RAB28: variants seen among roughly 807,000 people sequenced by gnomAD.
The protein encoded by RAB28 is RAB28, member RAS oncogene family.
A neutral mutation model predicts 31.7 loss-of-function variants in RAB28; 24 were observed. The observed-to-expected ratio is 0.76, with a 90% CI of 0.55 to 1.06. The LOEUF is 1.06. Ranked by LOEUF, RAB28 falls within the 50% of genes least tolerant of loss-of-function variation. The pLI, the probability that RAB28 is intolerant of heterozygous loss-of-function variation, is 0.00. For missense variants in RAB28, 254 were observed against 258.5 expected (o/e 0.98, Z 0.12); for synonymous variants, 100 against 90.4 (o/e 1.11, Z -0.60).
chr4:13,480,112 TTAATA>T (rs892609098), intron 1 of RAB28, among the ~76,000 whole-genome samples: 1 of 151,702 alleles, frequency 6.6e-6, no homozygotes, highest in African/African-American at 2.4e-5. Flanking sequence ...ATTTTTAAGA[TTAATA>T]TAAAGCAGAC....
intron 3 of RAB28, among the ~76,000 whole-genome samples, chr4:13,470,100 C>T (rs1406247880): frequency 6.6e-6 from 1 of 152,052 alleles, no homozygotes; most frequent in Non-Finnish European, 1.5e-5. Context: ...AAACACAGTA[C>T]ACACACTATT....
chr4:13,415,390 G>A (rs1406741461), intron 4 of RAB28, among the ~76,000 whole-genome samples: 1 of 152,180 alleles, frequency 6.6e-6, no homozygotes, highest in Admixed American at 6.5e-5. Flanking sequence ...CTTGCAGGGA[G>A]GTGTGGAGGG....
intron 4 of RAB28, among the ~76,000 whole-genome samples, chr4:13,417,229 C>A (rs1331100959): frequency 2.0e-5 from 3 of 152,142 alleles, no homozygotes; most frequent in African/African-American, 7.2e-5. Context: ...AACAAAGTGG[C>A]CAGGAAGCTC....
At chr4:13,388,410 A>G (rs1369211623) in intron 4 of RAB28, among the ~76,000 whole-genome samples, 2 of 152,076 alleles carry the variant, frequency 1.3e-5, no homozygotes, top group Admixed American at 6.6e-5. Flanking sequence ...CAAAAACTGT[A>G]AAACTCCTGG....
chr4:13,447,497 C>T (rs1315667044), intron 4 of RAB28, among the ~76,000 whole-genome samples: 1 of 152,062 alleles, frequency 6.6e-6, no homozygotes, highest in Non-Finnish European at 1.5e-5. Flanking sequence ...AAAGACCATA[C>T]CTGTTGAATT....
intron 4 of RAB28, among the ~76,000 whole-genome samples, chr4:13,413,177 C>A (rs146234323): frequency 1.3e-5 from 2 of 152,078 alleles, no homozygotes; most frequent in African/African-American, 4.8e-5. Context: ...AATCTCTCCA[C>A]CCCAATAAAC....
intron 4 of RAB28, among the ~76,000 whole-genome samples, chr4:13,441,026 T>C (rs1714385173): frequency 6.6e-6 from 1 of 151,796 alleles, no homozygotes; most frequent in African/African-American, 2.4e-5. Context: ...AATACATAAG[T>C]GGGAAGGAAG....
chr4:13,401,872 G>A (rs1229138120), intron 4 of RAB28, among the ~76,000 whole-genome samples: 1 of 152,044 alleles, frequency 6.6e-6, no homozygotes, highest in Non-Finnish European at 1.5e-5. Context: ...CACTGATTTT[G>A]AAAACTTAGT....
chr4:13,367,739 T>C lies in RAB28; in HGVS notation c.*819A>G. ...CCAAAAGAAGTAATTTAAATAAGTT[T>C]ATTTGTGAAAGAAAAACATCTGAAC... On this transcript the variant is annotated 3_prime_UTR_variant, in exon 7 of 7. Coordinates refer to ENST00000330852, the MANE Select transcript of RAB28 (RefSeq NM_001017979.3). The C allele has an allele frequency of 1.0e-6, 1 of 983,380 alleles. No homozygotes were observed. Among genetic ancestry groups the C allele is most frequent in the Non-Finnish European group, 1.2e-6 (1 of 828,100 alleles). 60.9% of individuals were successfully genotyped at this position (983,380 alleles called of 1,614,324 possible). A position where few individuals can be genotyped will look rare whatever the true frequency, so the allele number is the denominator to read the frequency against.
intron 2 of RAB28, among the ~76,000 whole-genome samples, chr4:13,479,053 T>C (rs1716491153): frequency 6.6e-6 from 1 of 151,652 alleles, no homozygotes; most frequent in Non-Finnish European, 1.5e-5. Context: ...CAGAGGCAAA[T>C]CAAAATAATA....
At chr4:13,419,148 AAAG>A (rs1712967494) in intron 4 of RAB28, among the ~76,000 whole-genome samples, 1 of 152,180 alleles carries the variant, frequency 6.6e-6, no homozygotes, top group South Asian at 2.1e-4. Flanking sequence ...CAAAAAAGAC[AAAG>A]AAGGCCATTA....
intron 4 of RAB28, among the ~76,000 whole-genome samples, chr4:13,450,733 A>T (rs955939766): frequency 6.6e-6 from 1 of 151,882 alleles, no homozygotes; most frequent in African/African-American, 2.4e-5. Flanking sequence ...TTTAGAACGA[A>T]ACTTTAAAAA....
At chr4:13,423,953 A>C (rs991962719) in intron 4 of RAB28, among the ~76,000 whole-genome samples, 1 of 152,090 alleles carries the variant, frequency 6.6e-6, no homozygotes, top group African/African-American at 2.4e-5. Context: ...GGAGGTACAA[A>C]AGGTTAAAAA....
intron 4 of RAB28, among the ~76,000 whole-genome samples, chr4:13,418,570 A>C (rs964474062): frequency 1.3e-5 from 2 of 152,258 alleles, no homozygotes; most frequent in African/African-American, 4.8e-5. Context: ...GAAACTCTAC[A>C]AGCCAGAAGA....
intron 5 of RAB28, among the ~76,000 whole-genome samples, chr4:13,378,368 G>A (rs1431120748): frequency 3.9e-5 from 6 of 152,130 alleles, no homozygotes; most frequent in Admixed American, 2.0e-4. Context: ...CAGCAAAAAG[G>A]AGGCCATTGA....
intron 4 of RAB28, among the ~76,000 whole-genome samples, chr4:13,409,029 G>A (rs1371292220): frequency 6.6e-6 from 1 of 151,848 alleles, no homozygotes; most frequent in African/African-American, 2.4e-5. Context: ...TAATATTTTG[G>A]GACCTCTCTA....
intron 4 of RAB28, among the ~76,000 whole-genome samples, chr4:13,453,097 T>G (rs1715064150): frequency 6.6e-6 from 1 of 152,108 alleles, no homozygotes; most frequent in Admixed American, 6.5e-5. Context: ...TACTCCTGAT[T>G]GCTTTTGGTT....
At chr4:13,459,741 G>A (rs1484355833) in intron 4 of RAB28, 1 of 1,040,352 alleles carries the variant, frequency 9.6e-7, no homozygotes, top group Non-Finnish European at 1.2e-6. Context: ...AAGTTTATAA[G>A]AGACAGGAGC....
chr4:13,441,559 G>C (rs1326267410), intron 4 of RAB28, among the ~76,000 whole-genome samples: 1 of 152,150 alleles, frequency 6.6e-6, no homozygotes, highest in Non-Finnish European at 1.5e-5. Flanking sequence ...TCACTATAAT[G>C]ATGCTTCCAG....
Sources: allele counts gnomAD v4.1 joint callset (sites outside exome capture counted in the v4.1 genomes callset), GRCh38; gene constraint gnomAD v4.1.1; transcripts MANE v1.5; gene names NCBI Gene and HGNC (gene_info 2026-07-23, HGNC 2026-07-21).